The following BPTF variants were observed in gnomAD, a reference collection of about 807,000 sequenced individuals.
BPTF encodes bromodomain PHD finger transcription factor.
BPTF carries 18 observed loss-of-function variants against 292.5 expected under a neutral mutation model. That is an observed-to-expected ratio of 0.06 (90% CI 0.04 to 0.09). The LOEUF (loss-of-function observed/expected upper bound fraction) is 0.09, where lower values mean the gene tolerates loss of function less well. Ranked by LOEUF, BPTF falls within the 10% of genes least tolerant of loss-of-function variation. The pLI is 1.00. For missense variants in BPTF, 2,726 were observed against 3,498.7 expected, an observed-to-expected ratio of 0.78 and a Z score of 5.57; for synonymous variants, 1,225 against 1,251.9, an observed-to-expected ratio of 0.98 and a Z score of 0.45.
intron 7 of BPTF, among the ~76,000 whole-genome samples, chr17:67,903,119 CTTT>C (rs2061960605): frequency 6.6e-6 from 1 of 152,262 alleles, no homozygotes; most frequent in African/African-American, 2.4e-5. Flanking sequence ...TCCTTCCTCT[CTTT>C]CTCGAAAGAT....
In BPTF at chr17:67,959,697, C is replaced by T; in HGVS notation, c.8083C>T (p.His2695Tyr). ...ACCTCCCCCTCCACCTGCTGTGCAA[C>T]ACACAGGCCTTCTGTCCACGCCCAC... The part of the protein sequence containing the change: ...PSPPPPPAVQ[H>Y]TGLLSTPTLP... Residue 2695 changes from histidine (H) to tyrosine (Y), a missense_variant, in exon 24 of 28, where the codon CAC becomes TAC. His to Tyr is a moderately conservative substitution (Grantham distance 83, BLOSUM62 2). Coordinates refer to ENST00000306378, the MANE Select transcript of BPTF (RefSeq NM_182641.4). 1 of 1,590,676 alleles carries T rather than the reference C, an allele frequency of 6.3e-7. No individual in the cohort carries two copies. Among genetic ancestry groups the T allele is most frequent in the South Asian group, 1.1e-5 (1 of 90,690 alleles).
chr17:67,915,067 C>A (rs2062893406), intron 11 of BPTF, among the ~76,000 whole-genome samples: 1 of 152,136 alleles, frequency 6.6e-6, no homozygotes, highest in South Asian at 2.1e-4. Flanking sequence ...TATACTAACA[C>A]TAGAATAGAA....
chr17:67,886,790 A>G (rs2060784545), intron 4 of BPTF, among the ~76,000 whole-genome samples: 2 of 152,248 alleles, frequency 1.3e-5, no homozygotes, highest in East Asian at 1.9e-4. Flanking sequence ...CATGGAGAGA[A>G]TCTTTTTGTG....
At chr17:67,826,410 C>T (rs1473080846) in intron 1 of BPTF, 73 bp downstream of exon 1, 4 of 1,453,556 alleles carry the variant, frequency 2.8e-6, no homozygotes, top group South Asian at 1.4e-5. Context: ...CACTCGTGTG[C>T]TGTGCATCCT....
rs1389709440 is a variant in BPTF at position 67,912,216 on chromosome 17, T to G, written c.4332T>G (p.Asn1444Lys). The change falls in exon 11 of 28, where the codon AAT becomes AAG. Residue 1444 changes from asparagine to lysine, a missense_variant. Coordinates refer to ENST00000306378, the MANE Select transcript of BPTF (RefSeq NM_182641.4). ...TTGAACCAAAGGTTAATAATATAAA[T>G]AAAATAATCCCTGAGAATGATATTA... ...GNVEPKVNNI[N>K]KIIPENDIKS... The G allele has an allele frequency of 1.2e-6, 2 of 1,608,876 alleles. No homozygotes were observed. Among genetic ancestry groups the G allele is most frequent in the East Asian group, 4.5e-5 (2 of 44,856 alleles).
intron 13 of BPTF, among the ~76,000 whole-genome samples, chr17:67,920,876 A>G (rs1288034661): frequency 2.6e-5 from 4 of 152,090 alleles, no homozygotes; most frequent in Admixed American, 1.3e-4. Flanking sequence ...TTTATTTTAT[A>G]TAAACAATAA....
intron 1 of BPTF, among the ~76,000 whole-genome samples, chr17:67,833,071 A>G (rs1279374101): frequency 2.6e-5 from 4 of 151,700 alleles, no homozygotes; most frequent in Non-Finnish European, 5.9e-5. Context: ...TGCTGGGATT[A>G]CAGGCGTGAG....
rs869063412 is a variant in BPTF, at chr17:67,953,961, C to CTTTT, written c.7927-5542_7927-5539dup. On this transcript the variant is annotated intron_variant, in intron 23 of 27. Coordinates refer to ENST00000306378, the MANE Select transcript of BPTF (RefSeq NM_182641.4). ...ATCTTTTTTCTTTTTCTTTTCTTTT[C>CTTTT]TTTTTTTTTTTTTTTTTTTTTTTTT... 1.8e-4 allele frequency among the ~76,000 whole-genome samples: 12 copies of CTTTT among 65,636 alleles called. 1 individual carries two copies. Among genetic ancestry groups the CTTTT allele is most frequent in the African/African-American group, 8.7e-4 (12 of 13,826 alleles). The allele number at this position is 65,636 out of a possible 152,430, so 43.1% of individuals were successfully genotyped here.
chr17:67,834,484 G>C (rs1219824794), intron 1 of BPTF, among the ~76,000 whole-genome samples: 1 of 152,020 alleles, frequency 6.6e-6, no homozygotes, highest in African/African-American at 2.4e-5. Flanking sequence ...TTGTTCTGTT[G>C]ATTACTGAGA....
chr17:67,905,639 T>C (rs1598556263), intron 9 of BPTF, among the ~76,000 whole-genome samples: 1 of 151,832 alleles, frequency 6.6e-6, no homozygotes, highest in Non-Finnish European at 1.5e-5. Flanking sequence ...AGGCCAGGAG[T>C]TTGAGGCTGC....
At chr17:67,932,932 AAG>A (rs1193632800) in intron 18 of BPTF, among the ~76,000 whole-genome samples, 1 of 151,066 alleles carries the variant, frequency 6.6e-6, no homozygotes, top group Admixed American at 6.6e-5. Context: ...ATTTATGAAA[AAG>A]AGTCATTTTT....
At chr17:67,843,168 A>C (rs1193078906) in intron 1 of BPTF, among the ~76,000 whole-genome samples, 2 of 130,822 alleles carry the variant, frequency 1.5e-5, no homozygotes, top group Non-Finnish European at 3.6e-5. Context: ...CTACATATAT[A>C]GATACATATA....
At chr17:67,900,575 A>ATAAT (rs761992008) in intron 7 of BPTF, among the ~76,000 whole-genome samples, 9 of 151,738 alleles carry the variant, frequency 5.9e-5, no homozygotes, top group Non-Finnish European at 1.3e-4. Context: ...ACCAAAAATA[A>ATAAT]TAATTAATTA....
chr17:67,944,819 G>C lies in BPTF; in HGVS notation c.6700+447G>C, dbSNP rs535996180. On this transcript the variant is annotated intron_variant, in intron 20 of 27. Coordinates refer to ENST00000306378, the MANE Select transcript of BPTF (RefSeq NM_182641.4). ...CCACATCATGGGAGAAAAGTGAAGC[G>C]TGGCAATTAGCCTGGGCCAGATGAC... Among the ~76,000 whole-genome samples, 263 of 152,216 alleles carry C rather than the reference G, an allele frequency of 1.7e-3. 3 individuals carry two copies. Among genetic ancestry groups the C allele is most frequent in the Non-Finnish European group, 1.4e-3 (93 of 68,016 alleles).
chr17:67,899,512 AC>A (rs1369366211), intron 7 of BPTF, among the ~76,000 whole-genome samples: 1 of 150,952 alleles, frequency 6.6e-6, no homozygotes, highest in African/African-American at 2.4e-5. Flanking sequence ...GTAGTTTTAT[AC>A]TTGATGCTGA....
chr17:67,967,747 A>T (rs2068287892), intron 26 of BPTF, among the ~76,000 whole-genome samples: 1 of 146,532 alleles, frequency 6.8e-6, no homozygotes, highest in South Asian at 2.1e-4. Context: ...TGAACCCGGG[A>T]GGCAGAGGTT....
chr17:67,935,632 G>T (rs2064850241), intron 18 of BPTF, among the ~76,000 whole-genome samples: 1 of 152,114 alleles, frequency 6.6e-6, no homozygotes, highest in African/African-American at 2.4e-5. Flanking sequence ...AGGAACTGTA[G>T]ATCACCTGAG....
intron 23 of BPTF, among the ~76,000 whole-genome samples, chr17:67,950,067 A>AC (rs1325012841): frequency 1.3e-5 from 2 of 149,336 alleles, no homozygotes; most frequent in Non-Finnish European, 3.0e-5. Context: ...AAAAAAAAAA[A>AC]AAAAACATTT....
intron 1 of BPTF, among the ~76,000 whole-genome samples, chr17:67,835,159 A>G (rs73351787): frequency 0.032 from 4,903 of 152,156 alleles, 270 homozygotes; most frequent in African/African-American, 0.11. Context: ...CTAGTCAGCT[A>G]TGGACCATGC....
Sources: allele counts gnomAD v4.1 joint callset (sites outside exome capture counted in the v4.1 genomes callset), GRCh38; gene constraint gnomAD v4.1.1; transcripts MANE v1.5; gene names NCBI Gene and HGNC (gene_info 2026-07-23, HGNC 2026-07-21).